Variants in NRXN2 observed in about 807,000 individuals in gnomAD.
NRXN2 encodes the protein neurexin-2-beta.
NRXN2 carries 29 observed loss-of-function variants against 128.8 expected under a neutral mutation model. The ratio of observed to expected loss-of-function variants is 0.23; its 90% CI spans 0.17 to 0.31. The LOEUF is 0.31. Among genes scored for constraint, NRXN2 ranks in the 10% least tolerant of loss-of-function variants. NRXN2 has a pLI of 1.00. For synonymous variants in NRXN2, 1,098 were observed against 1,075.2 expected, an observed-to-expected ratio of 1.02 and a Z score of -0.41; for missense variants, 1,881 against 2,452.6, an observed-to-expected ratio of 0.77 and a Z score of 4.92.
intron 9 of NRXN2, among the ~76,000 whole-genome samples, chr11:64,663,008 A>G (rs2049269833): frequency 6.6e-6 from 1 of 152,092 alleles, no homozygotes; most frequent in African/African-American, 2.4e-5. Flanking sequence ...TGGGAACCCA[A>G]GAGGGAAGAA....
chr11:64,713,878 C>A lies in NRXN2; in HGVS notation c.-179G>T, dbSNP rs1214025579. ...GCGCAGAGGCCCAGATGCCGGCTTC[C>A]CTCAGGCGGCGGCGGCGGCGCCCCT... On this transcript the variant is annotated 5_prime_UTR_variant, in exon 2 of 23. Coordinates refer to ENST00000265459, the MANE Select transcript of NRXN2 (RefSeq NM_015080.4). 1.4e-5 allele frequency: 3 copies of A among 212,150 alleles called. No individual in the cohort carries two copies. The highest frequency in any genetic ancestry group is 3.4e-4 in the East Asian group (2 of 5,896). The allele number at this position is 212,150 out of a possible 1,614,324, so 13.1% of individuals were successfully genotyped here.
intron 1 of NRXN2, among the ~76,000 whole-genome samples, chr11:64,721,245 G>A (rs2057425251): frequency 6.6e-6 from 1 of 151,924 alleles, no homozygotes; most frequent in Admixed American, 6.6e-5. Context: ...GGAGCAGCTG[G>A]ACCTGGGTAG....
At chr11:64,712,859 T>TCGTGCCCAGCCCC in intron 2 of NRXN2, 111 bp downstream of exon 2, 1 of 981,404 alleles carries the variant, frequency 1.0e-6, no homozygotes, top group South Asian at 1.5e-5. Context: ...TCACAAGCCC[T>TCGTGCCCAGCCCC]CGTGCCCAGC....
At position 64,654,739 on chromosome 11, in the gene NRXN2, C is replaced by A. The variant is rs187668703; in HGVS notation, c.2390-1017G>T. ...TTTAAGGCCTTTAGGATGTCTGCAC[C>A]ACTCCATCAAACGCCAAGCCTGACG... is the stretch of plus-strand genomic sequence containing the variant. On this transcript the variant is annotated intron_variant, in intron 11 of 22. Transcript: ENST00000265459. 6.2e-3 allele frequency among the ~76,000 whole-genome samples: 942 copies of A among 152,312 alleles called. 6 individuals carry two copies. Among genetic ancestry groups the A allele is most frequent in the Non-Finnish European group, 9.9e-3 (670 of 68,020 alleles).
chr11:64,613,141 T>C (rs1375590308), intron 22 of NRXN2, among the ~76,000 whole-genome samples: 1 of 152,214 alleles, frequency 6.6e-6, no homozygotes, highest in South Asian at 2.1e-4. Flanking sequence ...CATTGTGGCA[T>C]ATGCACATGC....
intron 9 of NRXN2, among the ~76,000 whole-genome samples, chr11:64,664,876 G>C (rs2049576304): frequency 6.6e-6 from 1 of 151,838 alleles, no homozygotes; most frequent in African/African-American, 2.4e-5. Flanking sequence ...TATAATCCCA[G>C]CTACTCGGGA....
rs774072164 is a variant in NRXN2, at chr11:64,685,835, C to T, written c.963G>A (p.Leu321=). 1.9e-6 allele frequency: 3 copies of T among 1,614,086 alleles called. No individual in the cohort carries two copies. Among genetic ancestry groups the T allele is most frequent in the Non-Finnish European group, 2.5e-6 (3 of 1,180,044 alleles). Residue 321 remains leucine (L), a synonymous_variant, in exon 6 of 23, where the codon CTG becomes CTA. Coordinates refer to ENST00000265459, the MANE Select transcript of NRXN2 (RefSeq NM_015080.4). ...TATGCAGCATCAGGCCGTTGCGTTGCAGGGTGCGGAAGGCCAGTGTGATCT... is the reference window on the plus strand; with the variant it reads ...TATGCAGCATCAGGCCGTTGCGTTGTAGGGTGCGGAAGGCCAGTGTGATCT... ...TDEITLAFRT[L]QRNGLMLHTG... is the part of the protein sequence containing the mutation.
chr11:64,678,321 C>T (rs370897025), intron 6 of NRXN2, among the ~76,000 whole-genome samples: 2 of 152,034 alleles, frequency 1.3e-5, no homozygotes, highest in Admixed American at 6.5e-5. Flanking sequence ...CAAAAGTTCT[C>T]CAGGCTCTTC....
At chr11:64,720,478 G>A (rs2057406448) in intron 1 of NRXN2, among the ~76,000 whole-genome samples, 1 of 152,126 alleles carries the variant, frequency 6.6e-6, no homozygotes, top group African/African-American at 2.4e-5. Flanking sequence ...GGGGGGTGGG[G>A]CCACTTAGAA....
chr11:64,686,970 C>A (rs903018032), intron 5 of NRXN2, among the ~76,000 whole-genome samples: 29 of 152,162 alleles, frequency 1.9e-4, no homozygotes, highest in Non-Finnish European at 1.9e-4. Context: ...AACACCAGCA[C>A]AAGCCAGAGT....
chr11:64,717,133 C>T (rs1366762874), intron 1 of NRXN2, among the ~76,000 whole-genome samples: 1 of 152,148 alleles, frequency 6.6e-6, no homozygotes, highest in East Asian at 1.9e-4. Context: ...ATCAAGTAAA[C>T]GGTGTCCCCT....
chr11:64,689,692 G>A (rs1233329242), intron 5 of NRXN2, among the ~76,000 whole-genome samples: 1 of 152,170 alleles, frequency 6.6e-6, no homozygotes, highest in Non-Finnish European at 1.5e-5. Flanking sequence ...AAGTGACCAG[G>A]TTCACCTGGG....
At position 64,607,835 on chromosome 11, in the gene NRXN2, G is replaced by C. The variant is rs767901683; in HGVS notation, c.4500C>G (p.Val1500=). The C allele has an allele frequency of 1.2e-6, 2 of 1,601,288 alleles. No individual in the cohort carries two copies. The highest frequency in any genetic ancestry group is 1.1e-5 in the South Asian group (1 of 88,670). Residue 1500 remains valine, a synonymous_variant, in exon 23 of 23, where the codon GTC becomes GTG. Transcript: ENST00000265459. ...CCGTGGGGGGGAGGCTGGAGTCAAA[G>C]ACCTCCCCGGAGGCGAAGCCCGAGG... ...IEASGFASGE[V]FDSSLPPTDD... is the part of the protein sequence containing the mutation.
intron 4 of NRXN2, among the ~76,000 whole-genome samples, chr11:64,692,526 A>C (rs181819010): frequency 9.2e-4 from 140 of 152,346 alleles, no homozygotes; most frequent in Non-Finnish European, 1.5e-3. Flanking sequence ...GGAAAACGCA[A>C]AAAAAGGGTG....
intron 17 of NRXN2, chr11:64,642,688 A>T (rs1256012723): frequency 6.5e-7 from 1 of 1,536,790 alleles, no homozygotes; most frequent in South Asian, 1.2e-5. Flanking sequence ...CAGCAGCAAC[A>T]GCGGCAACAG....
rs1222762725 is a variant in NRXN2, at chr11:64,648,665, G to A, written c.3283+69C>T. 42 of 1,593,716 alleles carry A rather than the reference G, an allele frequency of 2.6e-5. No homozygotes were observed. The highest frequency in any genetic ancestry group is 8.9e-5 in the East Asian group (4 of 44,772). Reference sequence around the variant, plus strand: ...TGGCAGAGCAAAGGCTACCTGCCCCGGTCTGCCTCTGCAGCTGGCCATCCT... The same window carrying A: ...TGGCAGAGCAAAGGCTACCTGCCCCAGTCTGCCTCTGCAGCTGGCCATCCT... On this transcript the variant is annotated intron_variant, in intron 16 of 22. Coordinates refer to ENST00000265459, the MANE Select transcript of NRXN2 (RefSeq NM_015080.4). This position sits in a 1 kb window ranked among gnomAD's most constrained non-coding sequence, Gnocchi z 4.1.
At chr11:64,625,455 CT>C (rs2042945935) in intron 20 of NRXN2, among the ~76,000 whole-genome samples, 1 of 152,166 alleles carries the variant, frequency 6.6e-6, no homozygotes, top group African/African-American at 2.4e-5. Flanking sequence ...ACTTTTTGTC[CT>C]GTTATGGGTT....
intron 20 of NRXN2, among the ~76,000 whole-genome samples, chr11:64,624,438 C>T (rs10897521): frequency 0.23 from 34,527 of 151,988 alleles, 4,161 homozygotes; most frequent in East Asian, 0.48. Flanking sequence ...ACCAGCAACG[C>T]CCATTACTAA....
intron 18 of NRXN2, among the ~76,000 whole-genome samples, chr11:64,633,340 C>T (rs1282197309): frequency 6.6e-6 from 1 of 152,222 alleles, no homozygotes; most frequent in Non-Finnish European, 1.5e-5. Context: ...GCTAACACAG[C>T]ATGCTCCCTA....
Sources: gnomAD v4.1 joint callset for allele counts (sites outside exome capture counted in the v4.1 genomes callset) on GRCh38, gnomAD v4.1.1 for gene constraint, Gnocchi (gnomAD v3.1) non-coding constraint, MANE v1.5 for transcripts, NCBI Gene and HGNC (gene_info 2026-07-23, HGNC 2026-07-21) for gene names.